TMCO5A: variants seen among roughly 807,000 people sequenced by gnomAD.
TMCO5A encodes transmembrane and coiled-coil domain-containing protein 5A.
Under a neutral mutation model 42.3 loss-of-function variants are expected in TMCO5A, and 34 were observed. That is an observed-to-expected ratio of 0.80 (90% CI 0.61 to 1.07). TMCO5A has a LOEUF of 1.07. Ranked by LOEUF, TMCO5A falls within the 50% of genes least tolerant of loss-of-function variation. TMCO5A has a pLI of 0.00. For missense variants in TMCO5A, 357 were observed against 327.9 expected (o/e 1.09, Z -0.69); for synonymous variants, 131 against 115.6 (o/e 1.13, Z -0.86).
At chr15:37,958,978 A>G (rs1295653722) in intron 11 of TMCO5A, among the ~76,000 whole-genome samples, 1 of 152,108 alleles carries the variant, frequency 6.6e-6, no homozygotes, top group East Asian at 1.9e-4. Context: ...AGGGCCATGG[A>G]TGAAGCTGGA....
the TMCO5A span, among the ~76,000 whole-genome samples, chr15:38,032,629 C>T: frequency 6.6e-6 from 1 of 152,004 alleles, no homozygotes; most frequent in African/African-American, 2.4e-5. Context: ...CTCGATGTTC[C>T]CATGAGTGTC....
chr15:37,998,983 C>T, the TMCO5A span, among the ~76,000 whole-genome samples: 8 of 151,964 alleles, frequency 5.3e-5, no homozygotes, highest in African/African-American at 1.2e-4. Flanking sequence ...CTCAGCTCAC[C>T]GCAACCTCCA....
chr15:37,992,202 T>A, the TMCO5A span, among the ~76,000 whole-genome samples: 2 of 152,130 alleles, frequency 1.3e-5, no homozygotes, highest in South Asian at 2.1e-4. Flanking sequence ...GAACACACAC[T>A]TTTTTTAAAG....
At chr15:37,973,083 T>C in the TMCO5A span, among the ~76,000 whole-genome samples, 1 of 152,162 alleles carries the variant, frequency 6.6e-6, no homozygotes, top group Non-Finnish European at 1.5e-5. Context: ...ATCAGACTAT[T>C]GTAGGTGTGT....
the TMCO5A span, among the ~76,000 whole-genome samples, chr15:38,013,041 G>A: frequency 6.6e-6 from 1 of 152,120 alleles, no homozygotes; most frequent in Non-Finnish European, 1.5e-5. Context: ...GTCACAGTTG[G>A]TCCATAGTCT....
At chr15:37,972,411 C>A (rs533930672), downstream of TMCO5A, among the ~76,000 whole-genome samples, 1 of 152,114 alleles carries the variant, frequency 6.6e-6, no homozygotes, top group Non-Finnish European at 1.5e-5. Context: ...ACAATGTATA[C>A]GCATTTTCTT....
chr15:38,002,364 A>C, the TMCO5A span, among the ~76,000 whole-genome samples: 77 of 151,774 alleles, frequency 5.1e-4, no homozygotes, highest in African/African-American at 1.9e-3. Context: ...TTAAATATTG[A>C]TATCTTTCCC....
the TMCO5A span, among the ~76,000 whole-genome samples, chr15:37,989,317 T>A: frequency 6.6e-6 from 1 of 151,948 alleles, no homozygotes; most frequent in Admixed American, 6.6e-5. Flanking sequence ...TCTGCTCTAA[T>A]CTTTATTATT....
chr15:38,021,885 C>T, the TMCO5A span, among the ~76,000 whole-genome samples: 1 of 151,138 alleles, frequency 6.6e-6, no homozygotes, highest in Admixed American at 6.6e-5. Flanking sequence ...TCTCAGCTCA[C>T]TGCAACCTCC....
chr15:37,947,823 CAA>C (rs112503245), intron 11 of TMCO5A, 127 bp downstream of exon 11: 113,989 of 570,994 alleles, frequency 0.2, 10,830 homozygotes, highest in Admixed American at 0.32. Flanking sequence ...CACACACACA[CAA>C]GTCAGCAAAC....
chr15:38,008,757 AG>A, the TMCO5A span, among the ~76,000 whole-genome samples: 1 of 152,202 alleles, frequency 6.6e-6, no homozygotes, highest in African/African-American at 2.4e-5. Flanking sequence ...GGCATGTCAG[AG>A]GAGGGACAGA....
downstream of TMCO5A, among the ~76,000 whole-genome samples, chr15:37,968,296 G>T (rs1890603896): frequency 6.6e-6 from 1 of 152,032 alleles, no homozygotes. Flanking sequence ...AGGAAGTCAG[G>T]CTACTCTCTG....
the TMCO5A span, among the ~76,000 whole-genome samples, chr15:38,025,290 T>C: frequency 6.6e-6 from 1 of 151,966 alleles, no homozygotes; most frequent in Non-Finnish European, 1.5e-5. Context: ...CCTTTCATGG[T>C]CTTTTGGCTA....
intron 11 of TMCO5A, among the ~76,000 whole-genome samples, chr15:37,963,586 T>A (rs963015391): frequency 6.6e-6 from 1 of 152,178 alleles, no homozygotes; most frequent in Non-Finnish European, 1.5e-5. Context: ...CAAGATATAG[T>A]TTAAATCCAT....
chr15:37,960,136 C>A (rs1443119648), intron 11 of TMCO5A, among the ~76,000 whole-genome samples: 1 of 151,704 alleles, frequency 6.6e-6, no homozygotes, highest in Non-Finnish European at 1.5e-5. Flanking sequence ...ACTACATTTG[C>A]AGTCTTTTTT....
chr15:37,949,083 G>T (rs1890065568), intron 11 of TMCO5A, among the ~76,000 whole-genome samples: 1 of 151,852 alleles, frequency 6.6e-6, no homozygotes, highest in Admixed American at 6.6e-5. Context: ...GAAAGAAATG[G>T]GGAAGGTTTC....
the TMCO5A span, among the ~76,000 whole-genome samples, chr15:38,019,634 G>A: frequency 6.1e-4 from 93 of 152,148 alleles, no homozygotes; most frequent in Non-Finnish European, 1.1e-3. Flanking sequence ...AAGACACAGG[G>A]TCTCACTCTG....
At chr15:38,027,002 T>G in the TMCO5A span, among the ~76,000 whole-genome samples, 17 of 151,936 alleles carry the variant, frequency 1.1e-4, no homozygotes, top group Non-Finnish European at 2.4e-4. Context: ...GCTGCAGGGG[T>G]GGGGAGTTCA....
the TMCO5A span, among the ~76,000 whole-genome samples, chr15:38,019,217 G>A: frequency 6.6e-5 from 10 of 152,258 alleles, no homozygotes; most frequent in Admixed American, 2.6e-4. Context: ...TGCAGATAAT[G>A]TTGTGAAACT....
Sources: allele counts gnomAD v4.1 joint callset (sites outside exome capture counted in the v4.1 genomes callset), GRCh38; gene constraint gnomAD v4.1.1; transcripts MANE v1.5; gene names NCBI Gene and HGNC (gene_info 2026-07-23, HGNC 2026-07-21).